Variants in WWOX observed in about 807,000 individuals in gnomAD.
WWOX encodes WW domain containing oxidoreductase.
Under a neutral mutation model 46.2 loss-of-function variants are expected in WWOX, and 69 were observed. The observed-to-expected ratio is 1.49, with a 90% CI of 1.23 to 1.82. The LOEUF (loss-of-function observed/expected upper bound fraction) is 1.82, where lower values mean the gene tolerates loss of function less well. WWOX is among the 40% of genes most tolerant of loss of function. The pLI is 0.00. For missense variants in WWOX, 919 were observed against 542.6 expected, an observed-to-expected ratio of 1.69 and a Z score of -6.89; for synonymous variants, 359 against 202.6, an observed-to-expected ratio of 1.77 and a Z score of -6.56.
At chr16:78,729,341 CA>C (rs34485602) in intron 8 of WWOX, among the ~76,000 whole-genome samples, 24,826 of 142,666 alleles carry the variant, frequency 0.17, 2,611 homozygotes, top group Non-Finnish European at 0.23. Context: ...GACCCTGCCT[CA>C]AAAAAAAAAA....
intron 8 of WWOX, among the ~76,000 whole-genome samples, chr16:78,690,326 C>T (rs4888823): frequency 6.6e-6 from 1 of 151,980 alleles, no homozygotes; most frequent in African/African-American, 2.4e-5. Context: ...TGAGTCAGAA[C>T]GATTGCTTGA....
At chr16:78,799,572 G>C (rs575442141) in intron 8 of WWOX, among the ~76,000 whole-genome samples, 147 of 152,120 alleles carry the variant, frequency 9.7e-4, no homozygotes, top group Middle Eastern at 6.8e-3. Context: ...ATTGAGGAGG[G>C]GTGAGGCTGT....
intron 5 of WWOX, among the ~76,000 whole-genome samples, chr16:78,281,259 C>T (rs13334974): frequency 0.65 from 99,304 of 152,150 alleles, 32,991 homozygotes; most frequent in East Asian, 0.76. Flanking sequence ...ATGAGGGCTC[C>T]GCCCCAGTGA....
At chr16:78,535,143 A>T (rs1379303573) in intron 8 of WWOX, 1 of 152,182 alleles carries the variant, frequency 6.6e-6, no homozygotes, top group Non-Finnish European at 1.5e-5. Context: ...CCCTGCATTG[A>T]GATAGCATTG....
At chr16:78,817,666 TGA>T (rs1175558281) in intron 8 of WWOX, among the ~76,000 whole-genome samples, 1 of 152,166 alleles carries the variant, frequency 6.6e-6, no homozygotes, top group Non-Finnish European at 1.5e-5. Flanking sequence ...GTATTGGGGA[TGA>T]GTCTTTGTGT....
chr16:78,766,878 C>G (rs534887485), intron 8 of WWOX, among the ~76,000 whole-genome samples: 2 of 152,254 alleles, frequency 1.3e-5, no homozygotes, highest in South Asian at 2.1e-4. Flanking sequence ...GTGTAACCAT[C>G]AGCATTACCT....
intron 5 of WWOX, among the ~76,000 whole-genome samples, chr16:78,293,594 A>G (rs1286770187): frequency 6.6e-6 from 1 of 152,154 alleles, no homozygotes; most frequent in Non-Finnish European, 1.5e-5. Context: ...TTAGTAGGTC[A>G]TAAAGTGGAA....
chr16:78,329,919 T>A (rs1385372807), intron 5 of WWOX, among the ~76,000 whole-genome samples: 1 of 151,970 alleles, frequency 6.6e-6, no homozygotes, highest in Non-Finnish European at 1.5e-5. Context: ...GCTAATCTTT[T>A]AGTTTTTGTA....
chr16:79,013,136 A>G (rs538488926), intron 8 of WWOX, among the ~76,000 whole-genome samples: 90 of 152,204 alleles, frequency 5.9e-4, no homozygotes, highest in Non-Finnish European at 9.0e-4. Context: ...TGTTGAGGGT[A>G]TCTCCCTGCC....
At chr16:78,609,516 A>C (rs1330748078) in intron 8 of WWOX, among the ~76,000 whole-genome samples, 1 of 151,234 alleles carries the variant, frequency 6.6e-6, no homozygotes, top group East Asian at 1.9e-4. Flanking sequence ...CATGCCTCTG[A>C]GGTTTTTTTT....
intron 8 of WWOX, among the ~76,000 whole-genome samples, chr16:79,114,833 G>A (rs772729167): frequency 6.6e-6 from 1 of 152,218 alleles, no homozygotes; most frequent in African/African-American, 2.4e-5. Flanking sequence ...GGCCGTGGGT[G>A]ACAGGGCTGG....
At chr16:78,470,547 T>C (rs531413900) in intron 8 of WWOX, among the ~76,000 whole-genome samples, 18 of 152,264 alleles carry the variant, frequency 1.2e-4, no homozygotes, top group African/African-American at 4.1e-4. Flanking sequence ...TATGTATGTT[T>C]GAGACAGAAT....
intron 1 of WWOX, 120 bp downstream of exon 1, chr16:78,100,005 T>A (rs1487401612): frequency 1.3e-6 from 2 of 1,487,702 alleles, no homozygotes; most frequent in Non-Finnish European, 1.8e-6. Context: ...TGAAAGTAAC[T>A]GTTAAGGAGC....
chr16:79,117,359 G>C (rs779474199), intron 8 of WWOX, among the ~76,000 whole-genome samples: 1 of 152,104 alleles, frequency 6.6e-6, no homozygotes. Flanking sequence ...AGTAGGTCTC[G>C]ACAGTGGGCA....
intron 8 of WWOX, among the ~76,000 whole-genome samples, chr16:78,673,315 C>G (rs2047511806): frequency 6.6e-6 from 1 of 152,218 alleles, no homozygotes; most frequent in South Asian, 2.1e-4. Context: ...CTGCCCCAGT[C>G]TCTTTCTCTG....
intron 8 of WWOX, among the ~76,000 whole-genome samples, chr16:79,117,254 C>G (rs964994365): frequency 1.3e-5 from 2 of 151,988 alleles, no homozygotes; most frequent in Non-Finnish European, 2.9e-5. Context: ...ATCAATCTGC[C>G]CAAATCAGCC....
chr16:78,894,669 C>G (rs942922871), intron 8 of WWOX, among the ~76,000 whole-genome samples: 1 of 152,082 alleles, frequency 6.6e-6, no homozygotes, highest in African/African-American at 2.4e-5. Flanking sequence ...GTGTGTGTCT[C>G]AAGGTGGAGA....
At chr16:78,896,901 A>T (rs372879371) in intron 8 of WWOX, 1 of 152,046 alleles carries the variant, frequency 6.6e-6, no homozygotes, top group Admixed American at 6.6e-5. Flanking sequence ...ATACGTGTAC[A>T]TAATCATGGA....
chr16:79,149,524 G>T (rs570840147), intron 8 of WWOX, among the ~76,000 whole-genome samples: 2 of 152,302 alleles, frequency 1.3e-5, no homozygotes, highest in Admixed American at 6.5e-5. Context: ...TGTTGGGTGG[G>T]TTCCATTTTT....
Sources: gnomAD v4.1 joint callset for allele counts (sites outside exome capture counted in the v4.1 genomes callset) on GRCh38, gnomAD v4.1.1 for gene constraint, MANE v1.5 for transcripts, NCBI Gene and HGNC (gene_info 2026-07-23, HGNC 2026-07-21) for gene names.